Variants in CAVIN3 observed in about 807,000 individuals in gnomAD.
The protein encoded by CAVIN3 is caveolae-associated protein 3.
A neutral mutation model predicts 8.2 loss-of-function variants in CAVIN3; 11 were observed. The observed-to-expected ratio is 1.35, with a 90% CI of 0.85 to 2.23. CAVIN3 has a LOEUF of 2.23. Ranked by LOEUF, CAVIN3 falls within the 30% of genes most tolerant of loss-of-function variation. The probability of loss-of-function intolerance (pLI) is 0.00; values close to 1 mark genes in which losing one functional copy is unlikely to be tolerated. For missense variants in CAVIN3, 401 were observed against 359.5 expected (o/e 1.12, Z -0.93); for synonymous variants, 191 against 166.3 (o/e 1.15, Z -1.14).
At position 6,319,156 on chromosome 11, in the gene CAVIN3, C is replaced by G. The variant is rs1256562758; in HGVS notation, c.*7G>C. On this transcript the variant is annotated 3_prime_UTR_variant, in exon 2 of 2. Coordinates refer to ENST00000303927, the MANE Select transcript of CAVIN3 (RefSeq NM_145040.3). Reference sequence around the variant, plus strand: ...ACAAGCACAGGGGAGGCAGGCAACACCAGCCCTCAGGCTACACTCTCCATT... The same window carrying G: ...ACAAGCACAGGGGAGGCAGGCAACAGCAGCCCTCAGGCTACACTCTCCATT... 1.3e-6 allele frequency: 2 copies of G among 1,513,970 alleles called. No homozygotes were observed. The highest frequency in any genetic ancestry group is 1.8e-6 in the Non-Finnish European group (2 of 1,132,642). The allele number at this position is 1,513,970 out of a possible 1,614,324, so 93.8% of individuals were successfully genotyped here.
chr11:6,320,371 G>T lies in CAVIN3; in HGVS notation c.106C>A (p.Leu36Met). The T allele has an allele frequency of 6.3e-7, 1 of 1,586,174 alleles. No individual in the cohort carries two copies. The highest frequency in any genetic ancestry group is 8.5e-7 in the Non-Finnish European group (1 of 1,173,716). The change falls in exon 1 of 2, where the codon CTG (leucine) becomes ATG (methionine). Residue 36 changes from leucine (L) to methionine (M), a missense_variant. By Grantham distance (15) the Leu-to-Met change is conservative (BLOSUM62 2). Coordinates refer to ENST00000303927, the MANE Select transcript of CAVIN3 (RefSeq NM_145040.3). ...CCCTGCCGCTCCCGCAGAGTCTCCAGCATGGAGGCCAGCTTCTCCAGCAGG... is the reference window on the plus strand; with the variant it reads ...CCCTGCCGCTCCCGCAGAGTCTCCATCATGGAGGCCAGCTTCTCCAGCAGG... Reference protein sequence around the residue: ...VTLLEKLASMLETLRERQGGL... With the variant: ...VTLLEKLASMMETLRERQGGL...
Position 6,319,101 on chromosome 11 carries a change from A to T in CAVIN3, c.*62T>A. On this transcript the variant is annotated 3_prime_UTR_variant, in exon 2 of 2. Transcript: ENST00000303927. ...CTCCTTATTAGGGCGTGAGTGCTAC[A>T]TTCTGAAAGGATTTATTTTGGGACA... 1 of 1,489,978 alleles carries T rather than the reference A, an allele frequency of 6.7e-7. No individual in the cohort carries two copies. Among genetic ancestry groups the T allele is most frequent in the South Asian group, 1.4e-5 (1 of 72,434 alleles). The allele number at this position is 1,489,978 out of a possible 1,614,324, so 92.3% of individuals were successfully genotyped here. A position where few individuals can be genotyped will look rare whatever the true frequency, so the allele number is the denominator to read the frequency against.
chr11:6,319,044 C>T lies in CAVIN3; in HGVS notation c.*119G>A. 1 of 1,074,628 alleles carries T rather than the reference C, an allele frequency of 9.3e-7. No homozygotes were observed. The highest frequency in any genetic ancestry group is 1.9e-5 in the South Asian group (1 of 52,912). The allele number at this position is 1,074,628 out of a possible 1,614,324, so 66.6% of individuals were successfully genotyped here. The stretch of plus-strand genomic sequence containing the variant: ...GGACTGGGCTTAAGGAAGGGAGGGC[C>T]AGAGCGCCCGCCTTGGTGGATGTAG... On this transcript the variant is annotated 3_prime_UTR_variant, in exon 2 of 2. Coordinates refer to ENST00000303927, the MANE Select transcript of CAVIN3 (RefSeq NM_145040.3).
rs1846817793 is a variant in CAVIN3 at position 6,320,335 on chromosome 11, G to A, written c.142C>T (p.Arg48Ter). 1.3e-6 allele frequency: 2 copies of A among 1,566,502 alleles called. No homozygotes were observed. The highest frequency in any genetic ancestry group is 1.7e-6 in the Non-Finnish European group (2 of 1,165,190). The change falls in exon 1 of 2, where the codon CGA becomes TGA. Residue 48 changes from arginine to a stop codon, truncating the protein, a stop_gained. Coordinates refer to ENST00000303927, the MANE Select transcript of CAVIN3 (RefSeq NM_145040.3). LOFTEE classifies it high-confidence loss of function. ...TLRERQGGLA[R>*]RQGGLAGSVR... The stretch of plus-strand genomic sequence containing the variant: ...GACCCTGCCAGGCCTCCCTGCCTTC[G>A]AGCCAGGCCTCCCTGCCGCTCCCGC...
chr11:6,320,039 G>C, intron 1 of CAVIN3, 54 bp downstream of exon 1: 2 of 1,514,712 alleles, frequency 1.3e-6, no homozygotes, highest in Non-Finnish European at 1.8e-6. Context: ...CCCCCAGCTG[G>C]TGGCCCACAG....
Position 6,320,048 on chromosome 11 carries a change from A to G in CAVIN3, c.384+45T>C. On this transcript the variant is annotated intron_variant, in intron 1 of 1. Coordinates refer to ENST00000303927, the MANE Select transcript of CAVIN3 (RefSeq NM_145040.3). ...GGGGAGCCCCCAGCTGGTGGCCCAC[A>G]GGCCGGCAAAGGCCTCGGATTGGGG... is the stretch of plus-strand genomic sequence containing the variant. 5 of 1,530,310 alleles carry G rather than the reference A, an allele frequency of 3.3e-6. No homozygotes were observed. The South Asian group carries it at 6.3e-5, about 19-fold the overall frequency. 94.8% of individuals were successfully genotyped at this position (1,530,310 alleles called of 1,614,324 possible).
chr11:6,320,207 C>T lies in CAVIN3; in HGVS notation c.270G>A (p.Ser90=). ...QLLAKAERVS[S]HANAAQERAV... is the part of the protein sequence containing the mutation. The stretch of plus-strand genomic sequence containing the variant: ...CGCGCTCTTGGGCGGCGTTGGCGTG[C>T]GAGCTCACGCGCTCCGCCTTGGCCA... Residue 90 remains serine (S), a synonymous_variant, in exon 1 of 2, where the codon TCG becomes TCA. Coordinates refer to ENST00000303927, the MANE Select transcript of CAVIN3 (RefSeq NM_145040.3). 1.3e-6 allele frequency: 2 copies of T among 1,564,414 alleles called. No homozygotes were observed. The highest frequency in any genetic ancestry group is 1.7e-6 in the Non-Finnish European group (2 of 1,162,564).
chr11:6,320,016 T>G, intron 1 of CAVIN3, 77 bp downstream of exon 1: 1 of 1,431,806 alleles, frequency 7.0e-7, no homozygotes, highest in Non-Finnish European at 9.3e-7. Context: ...GGTAGGTGGA[T>G]GGAAGCGGGG....
chr11:6,319,810 C>T lies in CAVIN3; in HGVS notation c.385-246G>A, dbSNP rs113589839. ...AGTCACGGAATGCCCTTTCAACCAC[C>T]GTTATTTTAGGGATTGGCTGGGACT... On this transcript the variant is annotated intron_variant, in intron 1 of 1. Transcript: ENST00000303927. 802 of 667,166 alleles carry T rather than the reference C, an allele frequency of 1.2e-3. 5 individuals are homozygous for T. The African/African-American group carries it at 0.013, about 11-fold the overall frequency. 41.3% of individuals were successfully genotyped at this position (667,166 alleles called of 1,614,324 possible). A position where few individuals can be genotyped will look rare whatever the true frequency, so the allele number is the denominator to read the frequency against.
Position 6,320,408 on chromosome 11 carries a change from C to T in CAVIN3, c.69G>A (p.Val23=). ...GCTTCTCCAGCAGGGTCACCACCGTCACGGCGTGCACGGGACCCCCCGCCG... is the reference window on the plus strand; with the variant it reads ...GCTTCTCCAGCAGGGTCACCACCGTTACGGCGTGCACGGGACCCCCCGCCG... ...EAPAGGPVHA[V]TVVTLLEKLA... The change falls in exon 1 of 2, where the codon GTG becomes GTA. Residue 23 remains valine, a synonymous_variant. Transcript: ENST00000303927. The T allele has an allele frequency of 6.4e-7, 1 of 1,567,836 alleles. No homozygotes were observed. Among genetic ancestry groups the T allele is most frequent in the Non-Finnish European group, 8.6e-7 (1 of 1,164,072 alleles).
Position 6,319,544 on chromosome 11 carries a change from G to A in CAVIN3, c.405C>T (p.Ala135=), listed in dbSNP as rs1253409044. 11 of 1,584,988 alleles carry A rather than the reference G, an allele frequency of 6.9e-6. No homozygotes were observed. Among genetic ancestry groups the A allele is most frequent in the Non-Finnish European group, 9.4e-6 (11 of 1,171,106 alleles). Residue 135 remains alanine (A), a synonymous_variant, in exon 2 of 2, where the codon GCC becomes GCT. Coordinates refer to ENST00000303927, the MANE Select transcript of CAVIN3 (RefSeq NM_145040.3). ...GCTCTGGTGCCTTCTGGAAAGCGCTGGCTGGGACTTCACCCTCCTCCTGCA... is the reference window on the plus strand; with the variant it reads ...GCTCTGGTGCCTTCTGGAAAGCGCTAGCTGGGACTTCACCCTCCTCCTGCA... ...LLFKEEGEVP[A]SAFQKAPEPL...
At position 6,320,376 on chromosome 11, in the gene CAVIN3, G is replaced by A. The variant is rs1185036881; in HGVS notation, c.101C>T (p.Ser34Phe). ...CCGCTCCCGCAGAGTCTCCAGCATG[G>A]AGGCCAGCTTCTCCAGCAGGGTCAC... ...TVVTLLEKLA[S>F]MLETLRERQG... Residue 34 changes from serine to phenylalanine, a missense_variant, in exon 1 of 2, where the codon TCC (serine) becomes TTC (phenylalanine). Physicochemically the swap from Ser to Phe is radical, Grantham distance 155. Transcript: ENST00000303927. 2 of 1,586,480 alleles carry A rather than the reference G, an allele frequency of 1.3e-6. No individual in the cohort carries two copies. Among genetic ancestry groups the A allele is most frequent in the South Asian group, 1.1e-5 (1 of 89,208 alleles).
chr11:6,319,855 GTGGCCTGAGCTAGAGC>G, intron 1 of CAVIN3: 1 of 666,920 alleles, frequency 1.5e-6, no homozygotes, highest in South Asian at 1.8e-5. Context: ...TTCTGCGGAC[GTGGCCTGAGCTAGAGC>G]TGGGCGGGCT....
Position 6,319,004 on chromosome 11 carries a change from C to CA in CAVIN3, c.*158_*159insT. 2.2e-5 allele frequency: 14 copies of CA among 630,464 alleles called. No homozygotes were observed. Among genetic ancestry groups the CA allele is most frequent in the South Asian group, 1.4e-4 (4 of 29,450 alleles). 39.1% of individuals were successfully genotyped at this position (630,464 alleles called of 1,614,324 possible). ...CAAGCAGGTGTGAGTGACTGCACCT[C>CA]TTTCAGAGGACACAGGACTGGGCTT... On this transcript the variant is annotated 3_prime_UTR_variant, in exon 2 of 2. Coordinates refer to ENST00000303927, the MANE Select transcript of CAVIN3 (RefSeq NM_145040.3).
chr11:6,319,197 T>C lies in CAVIN3; in HGVS notation c.752A>G (p.Glu251Gly). The change falls in exon 2 of 2, where the codon GAA becomes GGA. Residue 251 changes from glutamate to glycine, a missense_variant. Glu to Gly is a moderately conservative substitution (Grantham distance 98, BLOSUM62 -2). Coordinates refer to ENST00000303927, the MANE Select transcript of CAVIN3 (RefSeq NM_145040.3). ...EEDPGRPGAA[E>G]EALLQMESVA is the part of the protein sequence containing the mutation. ...ACTCTCCATTTGGAGCAGAGCTTCT[T>C]CGGCAGCCCCAGGTCTCCCGGGATC... 6.5e-7 allele frequency: 1 copy of C among 1,541,698 alleles called. No homozygotes were observed. Among genetic ancestry groups the C allele is most frequent in the Non-Finnish European group, 8.7e-7 (1 of 1,148,206 alleles).
Position 6,320,032 on chromosome 11 carries a change from C to T in CAVIN3, c.384+61G>A, listed in dbSNP as rs549518876. The T allele has an allele frequency of 4.5e-4, 668 of 1,500,984 alleles. 1 individual carries two copies. Among genetic ancestry groups the T allele is most frequent in the Non-Finnish European group, 5.7e-4 (642 of 1,131,534 alleles). The allele number at this position is 1,500,984 out of a possible 1,614,324, so 93.0% of individuals were successfully genotyped here. The stretch of plus-strand genomic sequence containing the variant: ...GTAGGTGGATGGAAGCGGGGAGCCC[C>T]CAGCTGGTGGCCCACAGGCCGGCAA... On this transcript the variant is annotated intron_variant, in intron 1 of 1. Transcript: ENST00000303927.
Position 6,320,208 on chromosome 11 carries a change from G to T in CAVIN3, c.269C>A (p.Ser90Ter). 1 of 1,564,986 alleles carries T rather than the reference G, an allele frequency of 6.4e-7. No homozygotes were observed. The change falls in exon 1 of 2, where the codon TCG (serine) becomes TAG (stop). Residue 90 changes from serine to a stop codon, truncating the protein, a stop_gained. Coordinates refer to ENST00000303927, the MANE Select transcript of CAVIN3 (RefSeq NM_145040.3). LOFTEE classifies it high-confidence loss of function. ...QLLAKAERVS[S>*]HANAAQERAV... Reference sequence around the variant, plus strand: ...GCGCTCTTGGGCGGCGTTGGCGTGCGAGCTCACGCGCTCCGCCTTGGCCAG... The same window carrying T: ...GCGCTCTTGGGCGGCGTTGGCGTGCTAGCTCACGCGCTCCGCCTTGGCCAG...
At position 6,320,223 on chromosome 11, in the gene CAVIN3, G is replaced by A; in HGVS notation, c.254C>T (p.Ala85Val). The A allele has an allele frequency of 6.4e-7, 1 of 1,563,428 alleles. No individual in the cohort carries two copies. The highest frequency in any genetic ancestry group is 1.4e-5 in the African/African-American group (1 of 73,954). ...GTTGGCGTGCGAGCTCACGCGCTCC[G>A]CCTTGGCCAGCAGCTGCGCCAAGGT... The part of the protein sequence containing the change: ...SNTLAQLLAK[A>V]ERVSSHANAA... The change falls in exon 1 of 2, where the codon GCG (alanine) becomes GTG (valine). Residue 85 changes from alanine (A) to valine (V), a missense_variant. Ala to Val is a moderately conservative substitution (Grantham distance 64, BLOSUM62 0). Coordinates refer to ENST00000303927, the MANE Select transcript of CAVIN3 (RefSeq NM_145040.3).
chr11:6,319,721 C>G lies in CAVIN3; in HGVS notation c.385-157G>C, dbSNP rs111404841. Reference sequence around the variant, plus strand: ...AGGTAAGGGGAGGGAAAGCTGCGTGCGAACTGCAAAACGCTGTAAAGTAGG... The same window carrying G: ...AGGTAAGGGGAGGGAAAGCTGCGTGGGAACTGCAAAACGCTGTAAAGTAGG... On this transcript the variant is annotated intron_variant, in intron 1 of 1. Coordinates refer to ENST00000303927, the MANE Select transcript of CAVIN3 (RefSeq NM_145040.3). 1.3e-3 allele frequency: 1,201 copies of G among 934,928 alleles called. 16 individuals are homozygous for G. In the African/African-American group the frequency reaches 0.017, roughly 14 times the overall value. 57.9% of individuals were successfully genotyped at this position (934,928 alleles called of 1,614,324 possible). A position where few individuals can be genotyped will look rare whatever the true frequency, so the allele number is the denominator to read the frequency against.
Sources: gnomAD v4.1 joint callset for allele counts on GRCh38, gnomAD v4.1.1 for gene constraint, MANE v1.5 for transcripts, NCBI Gene and HGNC (gene_info 2026-07-23, HGNC 2026-07-21) for gene names.